Variants in LRRC38 observed in about 807,000 individuals in gnomAD.
The protein encoded by LRRC38 is leucine rich repeat containing 38, also known as leucine-rich repeat-containing protein 38.
A neutral mutation model predicts 16.4 loss-of-function variants in LRRC38; 5 were observed. The ratio of observed to expected loss-of-function variants is 0.31; its 90% CI spans 0.16 to 0.64. LRRC38 has a LOEUF of 0.64. Among genes scored for constraint, LRRC38 ranks in the 30% least tolerant of loss-of-function variants. The probability of loss-of-function intolerance (pLI) is 0.80; values close to 1 mark genes in which losing one functional copy is unlikely to be tolerated. For synonymous variants in LRRC38, 191 were observed against 190.2 expected (o/e 1.00, Z -0.04); for missense variants, 341 against 401.8 (o/e 0.85, Z 1.29).
chr1:13,478,078 A>G (rs1356781309), intron 1 of LRRC38, among the ~76,000 whole-genome samples: 7 of 152,234 alleles, frequency 4.6e-5, no homozygotes, highest in Non-Finnish European at 1.0e-4. Flanking sequence ...TTTGTTACCA[A>G]GCATAATCAT....
At chr1:13,490,869 G>A (rs538753395) in intron 1 of LRRC38, among the ~76,000 whole-genome samples, 1 of 152,282 alleles carries the variant, frequency 6.6e-6, no homozygotes, top group Non-Finnish European at 1.5e-5. Flanking sequence ...AAGTTCATCT[G>A]TAATGGTGGG....
intron 1 of LRRC38, among the ~76,000 whole-genome samples, chr1:13,490,801 G>C (rs1283487632): frequency 6.6e-6 from 1 of 152,088 alleles, no homozygotes; most frequent in African/African-American, 2.4e-5. Flanking sequence ...CCTCTGGATG[G>C]TCAGGCACCC....
rs1470454448 is a variant in LRRC38 at position 13,475,558 on chromosome 1, TG to T, written c.*287del. ...GGGGGAGGCTTTTAGTCATCAGCTATGAAGCCTGACTCGGTCATCTTCTCCC... is the reference window on the plus strand; with the variant it reads ...GGGGGAGGCTTTTAGTCATCAGCTATAAGCCTGACTCGGTCATCTTCTCCC... On this transcript the variant is annotated 3_prime_UTR_variant, in exon 2 of 2. Transcript: ENST00000376085. This position sits in a 1 kb window ranked among gnomAD's most constrained non-coding sequence, Gnocchi z 4.3. 1 of 381,488 alleles carries T rather than the reference TG, an allele frequency of 2.6e-6. No homozygotes were observed. The highest frequency in any genetic ancestry group is 4.8e-6 in the Non-Finnish European group (1 of 206,770). The allele number at this position is 381,488 out of a possible 1,614,324, so 23.6% of individuals were successfully genotyped here.
chr1:13,488,425 C>T (rs1557497966), intron 1 of LRRC38, among the ~76,000 whole-genome samples: 1 of 152,090 alleles, frequency 6.6e-6, no homozygotes, highest in Non-Finnish European at 1.5e-5. Context: ...GCACTTGCCA[C>T]CATGCCTGGC....
At chr1:13,491,967 C>T (rs561953400) in intron 1 of LRRC38, among the ~76,000 whole-genome samples, 5 of 152,238 alleles carry the variant, frequency 3.3e-5, no homozygotes, top group Non-Finnish European at 5.9e-5. Context: ...TGAGCCCCAG[C>T]GCCCGGCCAA....
intron 1 of LRRC38, among the ~76,000 whole-genome samples, chr1:13,510,701 G>A (rs374487978): frequency 1.5e-4 from 23 of 152,200 alleles, no homozygotes; most frequent in East Asian, 9.7e-4. Context: ...CCTACCACAC[G>A]CCAAGCAAGA....
chr1:13,494,243 C>T (rs1639053753), intron 1 of LRRC38, among the ~76,000 whole-genome samples: 1 of 152,152 alleles, frequency 6.6e-6, no homozygotes, highest in African/African-American at 2.4e-5. Flanking sequence ...TGTCCGCACC[C>T]TCAGTTCCAC....
intron 1 of LRRC38, among the ~76,000 whole-genome samples, chr1:13,481,803 CTCT>C: frequency 7.0e-6 from 1 of 142,552 alleles, no homozygotes; most frequent in African/African-American, 2.8e-5. Context: ...CTCTCTCTCT[CTCT>C]CTCTCTCTCT....
intron 1 of LRRC38, among the ~76,000 whole-genome samples, chr1:13,499,807 G>A (rs991769325): frequency 6.6e-6 from 1 of 152,118 alleles, no homozygotes; most frequent in South Asian, 2.1e-4. Context: ...TGCGACCCAC[G>A]GGAGGTTGCT....
intron 1 of LRRC38, among the ~76,000 whole-genome samples, chr1:13,497,458 T>C (rs531161480): frequency 2.0e-5 from 3 of 151,982 alleles, no homozygotes; most frequent in Non-Finnish European, 2.9e-5. Context: ...TAGTTTCTGA[T>C]GTGAGATTTG....
In LRRC38 at chr1:13,475,813, C is replaced by T. The variant is rs1287235375; in HGVS notation, c.*33G>A. 6.5e-7 allele frequency: 1 copy of T among 1,543,976 alleles called. No homozygotes were observed. On this transcript the variant is annotated 3_prime_UTR_variant, in exon 2 of 2. Transcript: ENST00000376085. The surrounding 1 kb of genome is among the most constrained non-coding windows in gnomAD (Gnocchi z 4.3). ...CTTGGAGAGAGCTTCTGGTTCGGTG[C>T]TGGAGAGTAAGAGGCAGGAGGGAGG... is the stretch of plus-strand genomic sequence containing the variant.
chr1:13,512,552 T>C (rs1407851506), intron 1 of LRRC38, among the ~76,000 whole-genome samples: 2 of 152,102 alleles, frequency 1.3e-5, no homozygotes, highest in African/African-American at 4.8e-5. Flanking sequence ...GGAGAGCCCT[T>C]GGAACTGGCT....
At position 13,513,081 on chromosome 1, in the gene LRRC38, G is replaced by A; in HGVS notation, c.513C>T (p.Ala171=). Residue 171 remains alanine (A), a synonymous_variant, in exon 1 of 2, where the codon GCC becomes GCT. Coordinates refer to ENST00000376085, the MANE Select transcript of LRRC38 (RefSeq NM_001010847.2). ...AGCGCAGCGCGGGCAGCGCGGCCAG[G>A]GCGGCCACGCTGAGGCTGCGCAGGT... is the stretch of plus-strand genomic sequence containing the variant. ...DNNLRSLSVA[A]LAALPALRSL... is the part of the protein sequence containing the mutation. The A allele has an allele frequency of 1.3e-6, 2 of 1,550,166 alleles. No homozygotes were observed. The highest frequency in any genetic ancestry group is 1.7e-6 in the Non-Finnish European group (2 of 1,146,748).
chr1:13,478,139 A>T (rs1638809944), intron 1 of LRRC38, among the ~76,000 whole-genome samples: 1 of 152,216 alleles, frequency 6.6e-6, no homozygotes, highest in Non-Finnish European at 1.5e-5. Flanking sequence ...GACGACCATG[A>T]TTTTACAAAC....
At chr1:13,512,921 G>GGC in intron 1 of LRRC38, 42 bp downstream of exon 1, 12 of 1,246,152 alleles carry the variant, frequency 9.6e-6, no homozygotes, top group African/African-American at 1.5e-5. Flanking sequence ...GCCTCTCCCT[G>GGC]CCCCCCTCCC....
intron 1 of LRRC38, among the ~76,000 whole-genome samples, chr1:13,497,752 G>C (rs1038369162): frequency 1.3e-5 from 2 of 151,988 alleles, no homozygotes; most frequent in Non-Finnish European, 2.9e-5. Flanking sequence ...GAGGAGGGCA[G>C]ATCACCTGAG....
At chr1:13,484,932 T>C (rs1638912467) in intron 1 of LRRC38, among the ~76,000 whole-genome samples, 1 of 152,214 alleles carries the variant, frequency 6.6e-6, no homozygotes, top group Admixed American at 6.5e-5. Context: ...AATCAGGTGG[T>C]CTCACCCTAG....
At chr1:13,489,339 T>C (rs1638979379) in intron 1 of LRRC38, among the ~76,000 whole-genome samples, 1 of 152,204 alleles carries the variant, frequency 6.6e-6, no homozygotes, top group African/African-American at 2.4e-5. Context: ...GAAATAACAG[T>C]AGCTTTTTGG....
intron 1 of LRRC38, among the ~76,000 whole-genome samples, chr1:13,478,763 G>T (rs576524583): frequency 3.9e-4 from 59 of 152,282 alleles, no homozygotes; most frequent in Admixed American, 1.1e-3. Context: ...AACCACCCTG[G>T]GGGGGTTTGT....
Sources: allele counts gnomAD v4.1 joint callset (sites outside exome capture counted in the v4.1 genomes callset), GRCh38; gene constraint gnomAD v4.1.1; non-coding constraint Gnocchi (gnomAD v3.1); transcripts MANE v1.5; gene names NCBI Gene and HGNC (gene_info 2026-07-23, HGNC 2026-07-21).